Variants in ZNF335 observed in about 807,000 individuals in gnomAD.
ZNF335 encodes the protein zinc finger protein 335, also known as NRC-interacting factor 1.
In ZNF335, 84 loss-of-function variants were observed where a neutral mutation model predicts 145.6. The observed-to-expected ratio is 0.58, with a 90% CI of 0.48 to 0.69. The LOEUF (loss-of-function observed/expected upper bound fraction) is 0.69. Ranked by LOEUF, ZNF335 falls within the 30% of genes least tolerant of loss-of-function variation. ZNF335 has a pLI of 0.00. For synonymous variants in ZNF335, 761 were observed against 717.0 expected, an observed-to-expected ratio of 1.06 and a Z score of -0.98; for missense variants, 1,865 against 1,809.7, an observed-to-expected ratio of 1.03 and a Z score of -0.55.
rs758996804 is a variant in ZNF335 at position 45,971,319 on chromosome 20, G to A, written c.92C>T (p.Thr31Ile). ...EPSESGLGVG[T>I]SEAVSADSSD... Reference sequence around the variant, plus strand: ...GCTGTCGGCGGACACGGCTTCTGAGGTGCCCACACCCAGGCCGCTCTCAGA... The same window carrying A: ...GCTGTCGGCGGACACGGCTTCTGAGATGCCCACACCCAGGCCGCTCTCAGA... Residue 31 changes from threonine to isoleucine, a missense_variant, in exon 2 of 28, where the codon ACC becomes ATC. Thr to Ile is a moderately conservative substitution (Grantham distance 89). Coordinates refer to ENST00000322927, the MANE Select transcript of ZNF335 (RefSeq NM_022095.4). 2 of 1,596,370 alleles carry A rather than the reference G, an allele frequency of 1.3e-6. No individual in the cohort carries two copies. The highest frequency in any genetic ancestry group is 1.1e-5 in the South Asian group (1 of 90,510).
chr20:45,972,087 T>G, intron 1 of ZNF335, 35 bp downstream of exon 1: 1 of 1,288,108 alleles, frequency 7.8e-7, no homozygotes, highest in Non-Finnish European at 1.0e-6. Context: ...CACGGCAGGG[T>G]ACGGTGGGGC....
Position 45,969,674 on chromosome 20 carries a change from G to T in ZNF335, c.219C>A (p.Ser73Arg). 1 of 1,611,636 alleles carries T rather than the reference G, an allele frequency of 6.2e-7. No individual in the cohort carries two copies. Residue 73 changes from serine to arginine, a missense_variant, in exon 3 of 28, where the codon AGC becomes AGA. Transcript: ENST00000322927. Reference sequence around the variant, plus strand: ...TAGGCAGGGGGTCTGCGCTCGAGCTGCTCTCAGATACCTCCTCCTGAGGGG... The same window carrying T: ...TAGGCAGGGGGTCTGCGCTCGAGCTTCTCTCAGATACCTCCTCCTGAGGGG... ...GSRSQEEVSESSSSADPLPNS... is the reference protein window; with the variant it reads ...GSRSQEEVSERSSSADPLPNS...
chr20:45,957,686 T>TG lies in ZNF335; in HGVS notation c.2348-7dup. On this transcript the variant is annotated splice_polypyrimidine_tract_variant and splice_region_variant and intron_variant, in intron 16 of 27. Transcript: ENST00000322927. ...CGCTGTCGACTCCTCAGCTCCTGGGTGGGGTGGGACCTAAGCCTGACAAAG... is the reference window on the plus strand; with the variant it reads ...CGCTGTCGACTCCTCAGCTCCTGGGTGGGGGTGGGACCTAAGCCTGACAAAG... The TG allele has an allele frequency of 6.2e-7, 1 of 1,613,962 alleles. No homozygotes were observed. The highest frequency in any genetic ancestry group is 8.5e-7 in the Non-Finnish European group (1 of 1,179,936).
Position 45,952,598 on chromosome 20 carries a change from C to T in ZNF335, c.2814G>A (p.Glu938=), listed in dbSNP as rs2145360908. ...ATDGTQLHHI[E]LTADGSISFP... Reference sequence around the variant, plus strand: ...AGTGGTTGGCATCCCCAAGCCTCACCTCAATGTGGTGCAACTGGGTACCAT... The same window carrying T: ...AGTGGTTGGCATCCCCAAGCCTCACTTCAATGTGGTGCAACTGGGTACCAT... Residue 938 remains glutamate (E), a splice_region_variant and synonymous_variant, in exon 19 of 28, where the codon GAG becomes GAA. Coordinates refer to ENST00000322927, the MANE Select transcript of ZNF335 (RefSeq NM_022095.4). 6.2e-7 allele frequency: 1 copy of T among 1,613,832 alleles called. No homozygotes were observed. Among genetic ancestry groups the T allele is most frequent in the Non-Finnish European group, 8.5e-7 (1 of 1,179,958 alleles).
At chr20:45,951,304 A>G (rs2083627200) in intron 20 of ZNF335, among the ~76,000 whole-genome samples, 1 of 152,198 alleles carries the variant, frequency 6.6e-6, no homozygotes, top group Non-Finnish European at 1.5e-5. Flanking sequence ...GCAGTGCATG[A>G]CTGGATCTGA....
At chr20:45,961,251 T>C (rs2083838296) in intron 10 of ZNF335, among the ~76,000 whole-genome samples, 1 of 152,134 alleles carries the variant, frequency 6.6e-6, no homozygotes, top group Admixed American at 6.6e-5. Context: ...GTTAGCCGGG[T>C]GTGCTGGTTA....
chr20:45,971,866 G>A lies in ZNF335; in HGVS notation c.-51+256C>T, dbSNP rs544021142. On this transcript the variant is annotated intron_variant, in intron 1 of 27. Coordinates refer to ENST00000322927, the MANE Select transcript of ZNF335 (RefSeq NM_022095.4). ...TCCCCCCCGGTTCCCCTGCGGAGGC[G>A]GCTGACAGCGACGGTCTCGGGGCCT... 5.1e-6 allele frequency: 5 copies of A among 985,190 alleles called. No individual in the cohort carries two copies. In the African/African-American group the frequency reaches 8.7e-5, roughly 17 times the overall value. The allele number at this position is 985,190 out of a possible 1,614,324, so 61.0% of individuals were successfully genotyped here. A position where few individuals can be genotyped will look rare whatever the true frequency, so the allele number is the denominator to read the frequency against.
Position 45,967,744 on chromosome 20 carries a change from G to T in ZNF335, c.804C>A (p.His268Gln). The part of the protein sequence containing the change: ...ATLLRHMRER[H>Q]FRPVAAAAAA... ...CTGCTACTGACGCACCTGGACGGAA[G>T]TGGCGTTCCCGCATGTGGCGCAGCA... The change falls in exon 5 of 28, where the codon CAC becomes CAA. Residue 268 changes from histidine (H) to glutamine (Q), a missense_variant. Transcript: ENST00000322927. The T allele has an allele frequency of 6.2e-7, 1 of 1,610,900 alleles. No individual in the cohort carries two copies. Among genetic ancestry groups the T allele is most frequent in the East Asian group, 2.2e-5 (1 of 44,816 alleles).
intron 20 of ZNF335, among the ~76,000 whole-genome samples, chr20:45,951,335 CAGGG>C (rs1191715357): frequency 6.6e-6 from 1 of 152,238 alleles, no homozygotes; most frequent in African/African-American, 2.4e-5. Context: ...CTCAGGCAAA[CAGGG>C]AGGCCCCAAG....
Position 45,965,766 on chromosome 20 carries a change from C to T in ZNF335, c.964G>A (p.Asp322Asn), listed in dbSNP as rs752721519. The T allele has an allele frequency of 5.0e-6, 8 of 1,603,248 alleles. No individual in the cohort carries two copies. The highest frequency in any genetic ancestry group is 4.3e-6 in the Non-Finnish European group (5 of 1,175,114). The part of the protein sequence containing the change: ...GAIDDLEEDS[D>N]YNPAEDEPRG... ...GGCTCATCCTCAGCTGGATTATAGTCGCTATCCTCTGTGGGGGACAGTAAA... is the reference window on the plus strand; with the variant it reads ...GGCTCATCCTCAGCTGGATTATAGTTGCTATCCTCTGTGGGGGACAGTAAA... The change falls in exon 7 of 28, where the codon GAC becomes AAC. Residue 322 changes from aspartate (D) to asparagine (N), a missense_variant. By Grantham distance (23) the Asp-to-Asn change is conservative. Transcript: ENST00000322927.
intron 14 of ZNF335, among the ~76,000 whole-genome samples, chr20:45,959,974 G>A (rs988046808): frequency 5.9e-5 from 9 of 152,214 alleles, no homozygotes; most frequent in Admixed American, 2.6e-4. Flanking sequence ...TGGAAGGCTC[G>A]GAGAGGGCAA....
At chr20:45,965,414 G>A (rs898314522) in intron 7 of ZNF335, among the ~76,000 whole-genome samples, 17 of 152,136 alleles carry the variant, frequency 1.1e-4, no homozygotes, top group African/African-American at 3.6e-4. Flanking sequence ...GTGGTGAAAG[G>A]CATTTCCATA....
Position 45,957,920 on chromosome 20 carries a change from T to G in ZNF335, c.2262A>C (p.Pro754=). The change falls in exon 16 of 28, where the codon CCA becomes CCC. Residue 754 remains proline, a synonymous_variant. Transcript: ENST00000322927. ...PSSPGPPEIP[P]EATTFQSSEA... ...CAGATGACTGGAAAGTTGTCGCCTC[T>G]GGGGGTATCTATGGGGTGGAGATAT... 6.2e-7 allele frequency: 1 copy of G among 1,614,040 alleles called. No homozygotes were observed. The highest frequency in any genetic ancestry group is 8.5e-7 in the Non-Finnish European group (1 of 1,180,006).
rs145374239 is a variant in ZNF335 at position 45,965,159 on chromosome 20, C to T, written c.1102+469G>A. ...AATCCTAAAAGGCATGCTGCTATAA[C>T]CTCCATGCATAAATAAAGGGACTGG... On this transcript the variant is annotated intron_variant, in intron 7 of 27. Coordinates refer to ENST00000322927, the MANE Select transcript of ZNF335 (RefSeq NM_022095.4). Among the ~76,000 whole-genome samples the T allele has an allele frequency of 2.8e-3, 431 of 152,038 alleles. 1 individual carries two copies. Among genetic ancestry groups the T allele is most frequent in the African/African-American group, 0.01 (420 of 41,476 alleles).
chr20:45,949,362 G>C lies in ZNF335; in HGVS notation c.3790C>G (p.Gln1264Glu). 1 of 1,614,142 alleles carries C rather than the reference G, an allele frequency of 6.2e-7. No homozygotes were observed. Among genetic ancestry groups the C allele is most frequent in the East Asian group, 2.2e-5 (1 of 44,888 alleles). Residue 1264 changes from glutamine (Q) to glutamate (E), a missense_variant, in exon 26 of 28, where the codon CAA becomes GAA. Gln to Glu is a conservative substitution (Grantham distance 29, BLOSUM62 2). Coordinates refer to ENST00000322927, the MANE Select transcript of ZNF335 (RefSeq NM_022095.4). Reference protein sequence around the residue: ...EGQITHIQYEQGAPFLQESQI... With the variant: ...EGQITHIQYEEGAPFLQESQI... ...GACTCCTGAAGGAACGGGGCTCCTTGTTCATACTGGATGTGTGTGATCTGG... is the reference window on the plus strand; with the variant it reads ...GACTCCTGAAGGAACGGGGCTCCTTCTTCATACTGGATGTGTGTGATCTGG...
At chr20:45,957,446 C>A (rs780174049) in intron 17 of ZNF335, 140 bp downstream of exon 17, 7 of 756,156 alleles carry the variant, frequency 9.3e-6, no homozygotes, top group African/African-American at 1.7e-5. Flanking sequence ...CAGACTTCAG[C>A]AGATCTGTCT....
At chr20:45,950,184 C>T (rs1448951043) in intron 22 of ZNF335, 35 bp downstream of exon 22, 2 of 1,563,102 alleles carry the variant, frequency 1.3e-6, no homozygotes, top group Admixed American at 1.8e-5. Flanking sequence ...TGGATCTACC[C>T]TGTTGCCCAC....
intron 9 of ZNF335, 98 bp downstream of exon 9, chr20:45,963,375 G>C (rs1399804655): frequency 3.6e-6 from 5 of 1,387,198 alleles, no homozygotes; most frequent in Non-Finnish European, 4.9e-6. Context: ...GCGTGACCCA[G>C]AATGCTCTGT....
chr20:45,971,259 G>A lies in ZNF335; in HGVS notation c.152C>T (p.Ala51Val). The A allele has an allele frequency of 6.4e-7, 1 of 1,562,224 alleles. No individual in the cohort carries two copies. The highest frequency in any genetic ancestry group is 1.2e-5 in the South Asian group (1 of 86,634). The change falls in exon 2 of 28, where the codon GCC (alanine) becomes GTC (valine). Residue 51 changes from alanine to valine, a missense_variant. By Grantham distance (64) the Ala-to-Val change is moderately conservative. Coordinates refer to ENST00000322927, the MANE Select transcript of ZNF335 (RefSeq NM_022095.4). ...GCTTTGCCCCACGCCAGAGTCATCG[G>A]CCTCTGCCTGCCCCGGGGCGGCCGC... is the stretch of plus-strand genomic sequence containing the variant. Reference protein sequence around the residue: ...DAAAAPGQAEADDSGVGQSSD... With the variant: ...DAAAAPGQAEVDDSGVGQSSD...
Sources: gnomAD v4.1 joint callset for allele counts (sites outside exome capture counted in the v4.1 genomes callset) on GRCh38, gnomAD v4.1.1 for gene constraint, MANE v1.5 for transcripts, NCBI Gene and HGNC (gene_info 2026-07-23, HGNC 2026-07-21) for gene names.